The following FAM13A variants were observed in gnomAD, a reference collection of about 807,000 sequenced individuals.
The protein encoded by FAM13A is protein FAM13A.
A neutral mutation model predicts 129.6 loss-of-function variants in FAM13A; 76 were observed. The ratio of observed to expected loss-of-function variants is 0.59; its 90% CI spans 0.49 to 0.71. FAM13A has a LOEUF of 0.71. Among genes scored for constraint, FAM13A ranks in the 30% least tolerant of loss-of-function variants. The pLI is 0.00. For synonymous variants in FAM13A, 443 were observed against 449.9 expected (o/e 0.98, Z 0.20); for missense variants, 1,108 against 1,249.3 (o/e 0.89, Z 1.70).
intron 14 of FAM13A, among the ~76,000 whole-genome samples, chr4:88,752,535 G>C (rs539929172): frequency 4.3e-4 from 66 of 152,228 alleles, no homozygotes; most frequent in Non-Finnish European, 8.2e-4. Flanking sequence ...CAGTGTTAAA[G>C]ACAGATTCTT....
intron 3 of FAM13A, among the ~76,000 whole-genome samples, chr4:89,017,871 C>T (rs369482227): frequency 6.6e-6 from 1 of 152,076 alleles, no homozygotes; most frequent in Non-Finnish European, 1.5e-5. Context: ...ACATGTCACT[C>T]ACTGACATAC....
intron 4 of FAM13A, among the ~76,000 whole-genome samples, chr4:88,968,479 G>C (rs554436119): frequency 6.6e-6 from 1 of 152,192 alleles, no homozygotes; most frequent in East Asian, 1.9e-4. Context: ...ATCAGGAGGG[G>C]ATACAGTAAT....
At chr4:88,986,856 C>T (rs769550904) in intron 4 of FAM13A, among the ~76,000 whole-genome samples, 1 of 152,128 alleles carries the variant, frequency 6.6e-6, no homozygotes, top group East Asian at 1.9e-4. Flanking sequence ...CAATATAAAT[C>T]CATTATTTCT....
intron 1 of FAM13A, among the ~76,000 whole-genome samples, chr4:89,049,816 C>A (rs1003385492): frequency 2.0e-5 from 3 of 152,148 alleles, no homozygotes; most frequent in Non-Finnish European, 4.4e-5. Flanking sequence ...GCCACCATGC[C>A]CAGCCAAGAT....
chr4:88,884,000 C>G (rs1390423178), intron 6 of FAM13A, among the ~76,000 whole-genome samples: 1 of 151,696 alleles, frequency 6.6e-6, no homozygotes, highest in East Asian at 1.9e-4. Context: ...TAACAAGCAG[C>G]AAGATTGAAA....
At chr4:88,913,266 T>G (rs13107000) in intron 5 of FAM13A, among the ~76,000 whole-genome samples, 8 of 36,150 alleles carry the variant, frequency 2.2e-4, no homozygotes, top group East Asian at 6.0e-4. Context: ...GAGGAAGAAG[T>G]GGAGGAGGAA....
chr4:88,898,094 G>A (rs1746651172), intron 6 of FAM13A, among the ~76,000 whole-genome samples: 1 of 152,126 alleles, frequency 6.6e-6, no homozygotes. Context: ...TAAATAACAT[G>A]TTAGAAATGG....
chr4:88,998,186 C>A (rs539975141), intron 3 of FAM13A, among the ~76,000 whole-genome samples: 1 of 152,146 alleles, frequency 6.6e-6, no homozygotes, highest in Non-Finnish European at 1.5e-5. Context: ...TGAGCCCACA[C>A]ACTTCTCACC....
intron 4 of FAM13A, among the ~76,000 whole-genome samples, chr4:88,970,568 G>A (rs1399936723): frequency 6.6e-6 from 1 of 150,894 alleles, no homozygotes; most frequent in Non-Finnish European, 1.5e-5. Context: ...CTATATTTTA[G>A]CCTTAATAAA....
intron 4 of FAM13A, among the ~76,000 whole-genome samples, chr4:88,986,508 C>T (rs1361086233): frequency 6.6e-6 from 1 of 152,330 alleles, no homozygotes; most frequent in East Asian, 1.9e-4. Context: ...AGAAGCTCTG[C>T]ATTCTAAAAT....
At chr4:88,945,497 C>T (rs1013518030) in intron 4 of FAM13A, among the ~76,000 whole-genome samples, 1 of 152,008 alleles carries the variant, frequency 6.6e-6, no homozygotes, top group African/African-American at 2.4e-5. Flanking sequence ...TCTTCTTTCT[C>T]TTGGAAGGGT....
chr4:88,885,178 A>C (rs1279360226), intron 6 of FAM13A, among the ~76,000 whole-genome samples: 1 of 152,172 alleles, frequency 6.6e-6, no homozygotes, highest in Non-Finnish European at 1.5e-5. Flanking sequence ...GAACCAAAGG[A>C]ACCAAAAAAG....
intron 4 of FAM13A, among the ~76,000 whole-genome samples, chr4:88,949,083 C>T (rs1756475971): frequency 6.6e-6 from 1 of 152,098 alleles, no homozygotes; most frequent in Non-Finnish European, 1.5e-5. Context: ...TTTTCTTCAC[C>T]TTTATTTCTA....
intron 23 of FAM13A, among the ~76,000 whole-genome samples, chr4:88,730,683 C>T (rs1054785253): frequency 1.3e-5 from 2 of 152,210 alleles, no homozygotes; most frequent in African/African-American, 4.8e-5. Context: ...TGAGCCACCA[C>T]GCCTGGCCGA....
intron 1 of FAM13A, among the ~76,000 whole-genome samples, chr4:89,052,249 G>A (rs1708675): frequency 0.6 from 87,855 of 145,474 alleles, 26,368 homozygotes; most frequent in Middle Eastern, 0.69. Flanking sequence ...TCTGGGCAGC[G>A]CTTTCTTTTT....
At chr4:88,859,579 A>G (rs1185135034) in intron 6 of FAM13A, among the ~76,000 whole-genome samples, 1 of 152,178 alleles carries the variant, frequency 6.6e-6, no homozygotes, top group Non-Finnish European at 1.5e-5. Flanking sequence ...CATAATGGCC[A>G]AGGAGAATGT....
At position 88,916,167 on chromosome 4, in the gene FAM13A, T is replaced by C. The variant is rs376967929; in HGVS notation, c.760-9705A>G. ...ATATAGCACCTTGAGCTTGGACTTCTCAGCCTTCAAAACTACAAAGAATAA... is the reference window on the plus strand; with the variant it reads ...ATATAGCACCTTGAGCTTGGACTTCCCAGCCTTCAAAACTACAAAGAATAA... On this transcript the variant is annotated intron_variant, in intron 5 of 23. Coordinates refer to ENST00000264344, the MANE Select transcript of FAM13A (RefSeq NM_014883.4). Among the ~76,000 whole-genome samples, 28 of 152,292 alleles carry C rather than the reference T, an allele frequency of 1.8e-4. 2 individuals are homozygous for C. The highest frequency in any genetic ancestry group is 6.7e-4 in the African/African-American group (28 of 41,562).
At chr4:88,843,589 A>G (rs943942646) in intron 7 of FAM13A, among the ~76,000 whole-genome samples, 1 of 152,226 alleles carries the variant, frequency 6.6e-6, no homozygotes, top group African/African-American at 2.4e-5. Flanking sequence ...AGTCAGTCAT[A>G]TTTAATTGCA....
chr4:88,995,285 TGA>T (rs1240755468), intron 3 of FAM13A, among the ~76,000 whole-genome samples: 1 of 151,628 alleles, frequency 6.6e-6, no homozygotes, highest in Non-Finnish European at 1.5e-5. Flanking sequence ...TGGTTAATAT[TGA>T]GTGTCAACTT....
Sources: gnomAD v4.1 joint callset for allele counts (sites outside exome capture counted in the v4.1 genomes callset) on GRCh38, gnomAD v4.1.1 for gene constraint, MANE v1.5 for transcripts, NCBI Gene and HGNC (gene_info 2026-07-23, HGNC 2026-07-21) for gene names.